The following TRPS1 variants were observed in gnomAD, a reference collection of about 807,000 sequenced individuals.
The protein encoded by TRPS1 is zinc finger transcription factor Trps1.
Under a neutral mutation model 101.2 loss-of-function variants are expected in TRPS1, and 6 were observed. The observed-to-expected ratio is 0.06, with a 90% CI of 0.03 to 0.12. The LOEUF (loss-of-function observed/expected upper bound fraction) is 0.12. Ranked by LOEUF, TRPS1 falls within the 10% of genes least tolerant of loss-of-function variation. The pLI is 1.00. For missense variants in TRPS1, 1,363 were observed against 1,567.0 expected (o/e 0.87, Z 2.20); for synonymous variants, 578 against 589.8 (o/e 0.98, Z 0.29).
intron 5 of TRPS1, among the ~76,000 whole-genome samples, chr8:115,571,311 G>A (rs1210573732): frequency 1.3e-5 from 2 of 152,178 alleles, no homozygotes; most frequent in Non-Finnish European, 2.9e-5. Context: ...ACAACGAAGT[G>A]TGGCTGATTT....
chr8:115,427,411 T>C (rs800890), intron 5 of TRPS1, among the ~76,000 whole-genome samples: 124,235 of 152,154 alleles, frequency 0.82, 51,039 homozygotes, highest in African/African-American at 0.91. Context: ...GGATAACATA[T>C]GATAGGCCTA....
At chr8:115,624,852 G>A (rs1818470532) in intron 1 of TRPS1, among the ~76,000 whole-genome samples, 1 of 151,632 alleles carries the variant, frequency 6.6e-6, no homozygotes, top group Admixed American at 6.6e-5. Context: ...ACTGACTGAT[G>A]TTCTCAAGAG....
chr8:115,488,939 T>C (rs189484387), intron 5 of TRPS1, among the ~76,000 whole-genome samples: 58 of 152,340 alleles, frequency 3.8e-4, no homozygotes, highest in African/African-American at 1.4e-3. Flanking sequence ...AAAAAGTATG[T>C]AACATTTTAG....
chr8:115,527,406 A>G (rs1251640870), intron 5 of TRPS1, among the ~76,000 whole-genome samples: 1 of 152,084 alleles, frequency 6.6e-6, no homozygotes, highest in Non-Finnish European at 1.5e-5. Context: ...TCAGTTTTGA[A>G]GTCAGAAAAA....
intron 5 of TRPS1, among the ~76,000 whole-genome samples, chr8:115,469,835 G>GT (rs890663803): frequency 6.6e-6 from 1 of 151,998 alleles, no homozygotes; most frequent in East Asian, 1.9e-4. Flanking sequence ...AGCCTGGTTT[G>GT]TTTTTTTAAA....
At chr8:115,483,397 G>C (rs187459016) in intron 5 of TRPS1, among the ~76,000 whole-genome samples, 132 of 152,024 alleles carry the variant, frequency 8.7e-4, no homozygotes, top group South Asian at 2.7e-3. Context: ...ACCAGGCATG[G>C]TGGCATGCAC....
chr8:115,520,266 T>A (rs566016539), intron 5 of TRPS1, among the ~76,000 whole-genome samples: 1 of 151,896 alleles, frequency 6.6e-6, no homozygotes, highest in East Asian at 1.9e-4. Context: ...CCCATACATT[T>A]TGTGCCCTAG....
At chr8:115,541,371 A>G (rs1329625399) in intron 5 of TRPS1, among the ~76,000 whole-genome samples, 1 of 152,172 alleles carries the variant, frequency 6.6e-6, no homozygotes, top group Non-Finnish European at 1.5e-5. Flanking sequence ...TAATGCTTTC[A>G]CCACGAACGA....
intron 5 of TRPS1, chr8:115,515,298 CGAA>C (rs1246511510): frequency 2.9e-6 from 2 of 695,528 alleles, no homozygotes; most frequent in African/African-American, 1.8e-5. Context: ...TGCAGTAACA[CGAA>C]GAAGTACAGT....
chr8:115,444,384 C>A (rs1415084092), intron 5 of TRPS1, among the ~76,000 whole-genome samples: 2 of 152,210 alleles, frequency 1.3e-5, no homozygotes, highest in Non-Finnish European at 2.9e-5. Flanking sequence ...GTGCTCAATA[C>A]ATTTTCGTTA....
intron 5 of TRPS1, among the ~76,000 whole-genome samples, chr8:115,479,426 T>C (rs2130056255): frequency 6.6e-6 from 1 of 152,226 alleles, no homozygotes; most frequent in Non-Finnish European, 1.5e-5. Context: ...ATATAGTGGT[T>C]TGCACAGTGA....
At chr8:115,588,068 A>C (rs912389093) in intron 4 of TRPS1, among the ~76,000 whole-genome samples, 3 of 152,226 alleles carry the variant, frequency 2.0e-5, no homozygotes, top group Non-Finnish European at 4.4e-5. Context: ...TGCCCTTTTC[A>C]CTTTCTGTTA....
chr8:115,415,976 G>A (rs800900), intron 6 of TRPS1, among the ~76,000 whole-genome samples: 64,091 of 151,774 alleles, frequency 0.42, 14,228 homozygotes, highest in South Asian at 0.55. Context: ...GGTCATCAAA[G>A]CAATAGAGAG....
intron 5 of TRPS1, among the ~76,000 whole-genome samples, chr8:115,463,474 T>G (rs1452572941): frequency 6.6e-6 from 1 of 152,134 alleles, no homozygotes; most frequent in Non-Finnish European, 1.5e-5. Context: ...AATGACAGAA[T>G]TCATGTAAAT....
At chr8:115,492,799 C>T (rs1191686438) in intron 5 of TRPS1, among the ~76,000 whole-genome samples, 1 of 152,012 alleles carries the variant, frequency 6.6e-6, no homozygotes, top group South Asian at 2.1e-4. Context: ...CTGCAACCAC[C>T]ACCTCCCAGG....
Position 115,664,150 on chromosome 8 carries a change from G to A in TRPS1, c.-122+4395C>T, listed in dbSNP as rs554253160. On this transcript the variant is annotated intron_variant, in intron 1 of 6. Transcript: ENST00000395715. ...AAGTAGTTACATCCTCTGCAGCACT[G>A]TTTGCTATAGAACAATGGTATAAAA... Among the ~76,000 whole-genome samples, 5 of 152,164 alleles carry A rather than the reference G, an allele frequency of 3.3e-5. No homozygotes were observed. The East Asian group carries it at 9.6e-4, about 29-fold the overall frequency.
At chr8:115,643,411 T>C (rs112143071) in intron 1 of TRPS1, among the ~76,000 whole-genome samples, 2,131 of 152,340 alleles carry the variant, frequency 0.014, 46 homozygotes, top group African/African-American at 0.046. Flanking sequence ...TCTAAATCTT[T>C]TGTCATTTTG....
At chr8:115,579,204 A>G (rs1481701134) in intron 5 of TRPS1, among the ~76,000 whole-genome samples, 1 of 152,136 alleles carries the variant, frequency 6.6e-6, no homozygotes, top group Non-Finnish European at 1.5e-5. Context: ...CTAAATTGAC[A>G]ACCAGTTATA....
chr8:115,593,229 G>A (rs937586859), intron 4 of TRPS1, among the ~76,000 whole-genome samples: 1 of 152,066 alleles, frequency 6.6e-6, no homozygotes, highest in Non-Finnish European at 1.5e-5. Flanking sequence ...AAAATTGTCA[G>A]GAATAATCCC....
Sources: gnomAD v4.1 joint callset for allele counts (sites outside exome capture counted in the v4.1 genomes callset) on GRCh38, gnomAD v4.1.1 for gene constraint, MANE v1.5 for transcripts, NCBI Gene and HGNC (gene_info 2026-07-23, HGNC 2026-07-21) for gene names.